The following BCL2 variants were observed in gnomAD, a reference collection of about 807,000 sequenced individuals.
BCL2 encodes the protein BCL2 apoptosis regulator, also known as apoptosis regulator Bcl-2.
BCL2 carries 1 observed loss-of-function variant against 14.2 expected under a neutral mutation model. The observed-to-expected ratio is 0.07, with a 90% CI of 0.02 to 0.33. The LOEUF (loss-of-function observed/expected upper bound fraction) is 0.33. Ranked by LOEUF, BCL2 falls within the 10% of genes least tolerant of loss-of-function variation. BCL2 has a pLI of 0.99. For synonymous variants in BCL2, 151 were observed against 137.2 expected, an observed-to-expected ratio of 1.10 and a Z score of -0.70; for missense variants, 247 against 305.9, an observed-to-expected ratio of 0.81 and a Z score of 1.44.
At chr18:63,294,229 G>A (rs1380489049) in intron 2 of BCL2, among the ~76,000 whole-genome samples, 1 of 152,044 alleles carries the variant, frequency 6.6e-6, no homozygotes, top group Admixed American at 6.6e-5. Context: ...GCTAAGCAAA[G>A]TATAATGAGG....
At chr18:63,304,692 G>GT (rs1913068737) in intron 2 of BCL2, among the ~76,000 whole-genome samples, 1 of 152,062 alleles carries the variant, frequency 6.6e-6, no homozygotes, top group Admixed American at 6.5e-5. Flanking sequence ...ATCCACCCAC[G>GT]TATCAAGCCT....
intron 2 of BCL2, among the ~76,000 whole-genome samples, chr18:63,200,918 G>T (rs1670941306): frequency 6.6e-6 from 1 of 152,168 alleles, no homozygotes; most frequent in Non-Finnish European, 1.5e-5. Flanking sequence ...CACTGCGCCT[G>T]GGCCAAATTG....
intron 2 of BCL2, among the ~76,000 whole-genome samples, chr18:63,310,555 A>C (rs909537791): frequency 2.0e-5 from 3 of 152,174 alleles, no homozygotes; most frequent in African/African-American, 7.2e-5. Flanking sequence ...TTGGTCTCCT[A>C]CTGATTGGTA....
chr18:63,274,225 A>C (rs1912083932), intron 2 of BCL2, among the ~76,000 whole-genome samples: 1 of 151,738 alleles, frequency 6.6e-6, no homozygotes, highest in Non-Finnish European at 1.5e-5. Context: ...ACTTGCTGGT[A>C]AACCTTAATT....
At chr18:63,240,837 T>G (rs1273666085) in intron 2 of BCL2, among the ~76,000 whole-genome samples, 2 of 152,226 alleles carry the variant, frequency 1.3e-5, no homozygotes, top group African/African-American at 4.8e-5. Context: ...CTCTGTTACA[T>G]TATAAGCTCT....
intron 2 of BCL2, among the ~76,000 whole-genome samples, chr18:63,139,156 C>G (rs535557670): frequency 6.6e-6 from 1 of 152,166 alleles, no homozygotes; most frequent in African/African-American, 2.4e-5. Flanking sequence ...TCCCTACTGC[C>G]GCACTAGCTA....
intron 2 of BCL2, among the ~76,000 whole-genome samples, chr18:63,269,376 G>A (rs1911935492): frequency 6.6e-6 from 1 of 151,804 alleles, no homozygotes; most frequent in African/African-American, 2.4e-5. Flanking sequence ...GACTTTTGTG[G>A]GACCCACCAA....
intron 2 of BCL2, among the ~76,000 whole-genome samples, chr18:63,266,604 ATC>A (rs36078664): frequency 0.39 from 54,638 of 141,254 alleles, 10,852 homozygotes; most frequent in East Asian, 0.56. Flanking sequence ...TGGAACATAA[ATC>A]TCTCTCTCTC....
intron 2 of BCL2, among the ~76,000 whole-genome samples, chr18:63,241,062 G>A (rs1318546294): frequency 6.6e-6 from 1 of 152,248 alleles, no homozygotes; most frequent in African/African-American, 2.4e-5. Flanking sequence ...GTTGCAGTGT[G>A]AAAGCAGACA....
In BCL2 at chr18:63,302,910, G is replaced by A. The variant is rs1431828758; in HGVS notation, c.585+15172C>T. 4 of 982,298 alleles carry A rather than the reference G, an allele frequency of 4.1e-6. No individual in the cohort carries two copies. The African/African-American group carries it at 7.0e-5, about 17-fold the overall frequency. The allele number at this position is 982,298 out of a possible 1,614,324, so 60.8% of individuals were successfully genotyped here. On this transcript the variant is annotated intron_variant, in intron 2 of 2. Coordinates refer to ENST00000333681, the MANE Select transcript of BCL2 (RefSeq NM_000633.3). Reference sequence around the variant, plus strand: ...GGGCCAAATGTATCCAAATTAAACTGAGGGGGATGGAAATAACTCTCCCTT... The same window carrying A: ...GGGCCAAATGTATCCAAATTAAACTAAGGGGGATGGAAATAACTCTCCCTT...
chr18:63,260,080 C>A (rs996394026), intron 2 of BCL2, among the ~76,000 whole-genome samples: 9 of 152,096 alleles, frequency 5.9e-5, no homozygotes, highest in African/African-American at 2.2e-4. Flanking sequence ...GTTTTGAACA[C>A]GTCTGGCTAC....
At chr18:63,273,062 T>C (rs1320812061) in intron 2 of BCL2, among the ~76,000 whole-genome samples, 1 of 150,926 alleles carries the variant, frequency 6.6e-6, no homozygotes, top group African/African-American at 2.4e-5. Flanking sequence ...GATTTGATAA[T>C]GCAGCAGGAT....
intron 2 of BCL2, among the ~76,000 whole-genome samples, chr18:63,240,826 T>G (rs1231865186): frequency 6.6e-6 from 1 of 152,254 alleles, no homozygotes; most frequent in Non-Finnish European, 1.5e-5. Context: ...ACATAACTTG[T>G]CTCTGTTACA....
intron 2 of BCL2, among the ~76,000 whole-genome samples, chr18:63,243,377 G>A (rs1217818176): frequency 6.6e-6 from 1 of 152,160 alleles, no homozygotes; most frequent in Admixed American, 6.5e-5. Context: ...TGAAGGGTGG[G>A]AGGAGGGAGA....
intron 2 of BCL2, chr18:63,302,753 T>C: frequency 1.0e-6 from 1 of 985,442 alleles, no homozygotes; most frequent in Non-Finnish European, 1.2e-6. Flanking sequence ...GAGTTTCCTA[T>C]CTTGTCAGAA....
chr18:63,262,949 A>C (rs1911702534), intron 2 of BCL2, among the ~76,000 whole-genome samples: 1 of 152,204 alleles, frequency 6.6e-6, no homozygotes, highest in Non-Finnish European at 1.5e-5. Flanking sequence ...ACAAAGCCAG[A>C]ATTCTCCTAC....
intron 2 of BCL2, among the ~76,000 whole-genome samples, chr18:63,143,078 G>T (rs773898499): frequency 1.2e-4 from 19 of 152,236 alleles, no homozygotes; most frequent in Non-Finnish European, 2.8e-4. Context: ...GACAAGATAC[G>T]CTGGCGTGGC....
At chr18:63,205,777 C>T (rs1424080296) in intron 2 of BCL2, among the ~76,000 whole-genome samples, 1 of 152,120 alleles carries the variant, frequency 6.6e-6, no homozygotes, top group African/African-American at 2.4e-5. Context: ...GCCCCGCTCC[C>T]ACCCCCTGCT....
intron 2 of BCL2, among the ~76,000 whole-genome samples, chr18:63,160,782 A>G (rs1266229090): frequency 7.6e-6 from 1 of 131,892 alleles, no homozygotes; most frequent in East Asian, 2.9e-4. Flanking sequence ...GGGCTGCGAG[A>G]AAAAAGCCAC....
Sources: gnomAD v4.1 joint callset for allele counts (sites outside exome capture counted in the v4.1 genomes callset) on GRCh38, gnomAD v4.1.1 for gene constraint, MANE v1.5 for transcripts, NCBI Gene and HGNC (gene_info 2026-07-23, HGNC 2026-07-21) for gene names.